The following DNAAF5 variants were observed in gnomAD, a reference collection of about 807,000 sequenced individuals.
DNAAF5 encodes the protein HEAT repeat containing 2.
Under a neutral mutation model 75.8 loss-of-function variants are expected in DNAAF5, and 64 were observed. The ratio of observed to expected loss-of-function variants is 0.84; its 90% CI spans 0.69 to 1.04. The LOEUF (loss-of-function observed/expected upper bound fraction) is 1.04, where lower values mean the gene tolerates loss of function less well. Ranked by LOEUF, DNAAF5 falls within the 50% of genes least tolerant of loss-of-function variation. The pLI, the probability that DNAAF5 is intolerant of heterozygous loss-of-function variation, is 0.00. For missense variants in DNAAF5, 1,269 were observed against 1,178.5 expected (o/e 1.08, Z -1.12); for synonymous variants, 657 against 557.2 (o/e 1.18, Z -2.52).
rs577257544 is a variant in DNAAF5, at chr7:782,195, ACT to A, written c.2431+2053_2431+2054del. 7.0e-5 allele frequency among the ~76,000 whole-genome samples: 10 copies of A among 142,574 alleles called. No homozygotes were observed. In the South Asian group the frequency reaches 1.8e-3, roughly 26 times the overall value. The allele number at this position is 142,574 out of a possible 152,430, so 93.5% of individuals were successfully genotyped here. A position where few individuals can be genotyped will look rare whatever the true frequency, so the allele number is the denominator to read the frequency against. ...CGCCTCCCGACACGCGGCGTCAGAA[ACT>A]CGGATCTTCCTGGCGTGGCCGCCTC... is the stretch of plus-strand genomic sequence containing the variant. On this transcript the variant is annotated intron_variant, in intron 12 of 12. Transcript: ENST00000297440.
chr7:746,892 A>G (rs1782132144), intron 4 of DNAAF5, among the ~76,000 whole-genome samples: 1 of 152,056 alleles, frequency 6.6e-6, no homozygotes, highest in African/African-American at 2.4e-5. Context: ...TGTCACTTGC[A>G]TGAGGTTGTG....
rs1778707182 is a variant in DNAAF5, at chr7:774,933, G to GCA, written c.2083-71_2083-70dup. Reference sequence around the variant, plus strand: ...CCCCTAAGTCCTTCCAGGCAGGAGTGCACGGATGGTGAGCACCCCCACCCC... The same window carrying GCA: ...CCCCTAAGTCCTTCCAGGCAGGAGTGCACACGGATGGTGAGCACCCCCACCCC... On this transcript the variant is annotated intron_variant, in intron 10 of 12. Coordinates refer to ENST00000297440, the MANE Select transcript of DNAAF5 (RefSeq NM_017802.4). The GCA allele has an allele frequency of 6.0e-5, 82 of 1,367,622 alleles. 1 individual carries two copies. The South Asian group carries it at 9.0e-4, about 15-fold the overall frequency. The allele number at this position is 1,367,622 out of a possible 1,614,324, so 84.7% of individuals were successfully genotyped here. A position where few individuals can be genotyped will look rare whatever the true frequency, so the allele number is the denominator to read the frequency against.
intron 4 of DNAAF5, among the ~76,000 whole-genome samples, chr7:741,694 C>T (rs1781917206): frequency 6.6e-6 from 1 of 152,218 alleles, no homozygotes; most frequent in African/African-American, 2.4e-5. Flanking sequence ...CCTCTCCCCT[C>T]CTCTGGCCAG....
At chr7:767,551 G>C (rs1196769394) in intron 8 of DNAAF5, among the ~76,000 whole-genome samples, 1 of 152,222 alleles carries the variant, frequency 6.6e-6, no homozygotes, top group Non-Finnish European at 1.5e-5. Context: ...TATTTCCATA[G>C]AAGAAATGCT....
chr7:745,008 C>T lies in DNAAF5; in HGVS notation c.1024+3543C>T, dbSNP rs533442520. ...CATCAGTGATGGGAGTGGAATCCCA[C>T]GCGTGCTGTGGTGCTCTGTCAGTGC... On this transcript the variant is annotated intron_variant, in intron 4 of 12. Transcript: ENST00000297440. 4.5e-4 allele frequency among the ~76,000 whole-genome samples: 68 copies of T among 152,300 alleles called. No individual in the cohort carries two copies. The South Asian group carries it at 0.012, about 26-fold the overall frequency.
chr7:740,997 G>C (rs1781890784), intron 3 of DNAAF5, 54 bp downstream of exon 3: 1 of 1,591,580 alleles, frequency 6.3e-7, no homozygotes, highest in South Asian at 1.1e-5. Flanking sequence ...ATGTGTAGCA[G>C]TGGTGGTTTC....
intron 7 of DNAAF5, among the ~76,000 whole-genome samples, chr7:763,274 A>G (rs1358781023): frequency 6.6e-6 from 1 of 151,750 alleles, no homozygotes; most frequent in Non-Finnish European, 1.5e-5. Context: ...CCAGATTCAG[A>G]CTCCAGGCTT....
intron 12 of DNAAF5, among the ~76,000 whole-genome samples, chr7:780,913 TG>T (rs1329817598): frequency 7.8e-6 from 1 of 128,912 alleles, no homozygotes; most frequent in East Asian, 2.1e-4. Flanking sequence ...TTAATTTTTG[TG>T]GGTACACATA....
At chr7:774,639 C>G (rs1778697793) in intron 10 of DNAAF5, among the ~76,000 whole-genome samples, 1 of 152,134 alleles carries the variant, frequency 6.6e-6, no homozygotes, top group South Asian at 2.1e-4. Flanking sequence ...CTGGTCGCCG[C>G]CCGGCGGGAA....
chr7:745,795 A>G (rs555305918), intron 4 of DNAAF5, among the ~76,000 whole-genome samples: 1 of 152,364 alleles, frequency 6.6e-6, no homozygotes, highest in South Asian at 2.1e-4. Flanking sequence ...TGGCCCTGCT[A>G]GTAGGTTCCC....
At chr7:757,325 C>T (rs978188037) in intron 6 of DNAAF5, among the ~76,000 whole-genome samples, 4 of 152,230 alleles carry the variant, frequency 2.6e-5, no homozygotes, top group South Asian at 2.1e-4. Flanking sequence ...CCACAGTTCA[C>T]GTGTTTGATG....
At chr7:765,303 G>T (rs1246930729) in intron 8 of DNAAF5, among the ~76,000 whole-genome samples, 8 of 152,110 alleles carry the variant, frequency 5.3e-5, no homozygotes, top group Non-Finnish European at 1.5e-5. Context: ...GAGAACTCCC[G>T]AGGCAGCGAC....
chr7:765,256 C>T (rs776456557), intron 8 of DNAAF5, among the ~76,000 whole-genome samples: 4 of 152,242 alleles, frequency 2.6e-5, no homozygotes, highest in African/African-American at 7.2e-5. Context: ...GTGGTGGGAA[C>T]TGTGACCCCG....
intron 2 of DNAAF5, among the ~76,000 whole-genome samples, chr7:735,685 T>C (rs757679112): frequency 1.3e-5 from 2 of 152,236 alleles, no homozygotes; most frequent in Non-Finnish European, 2.9e-5. Flanking sequence ...GGTCTTCTCT[T>C]TTTCTTAGTC....
intron 2 of DNAAF5, among the ~76,000 whole-genome samples, chr7:735,991 T>A (rs1781730647): frequency 6.6e-6 from 1 of 152,242 alleles, no homozygotes; most frequent in Non-Finnish European, 1.5e-5. Context: ...TTTTTAAAAT[T>A]TCCTTCTTAA....
intron 2 of DNAAF5, among the ~76,000 whole-genome samples, chr7:735,508 C>T (rs145580050): frequency 0.029 from 4,301 of 149,560 alleles, 80 homozygotes; most frequent in Non-Finnish European, 0.044. Flanking sequence ...ATTGTAGTTG[C>T]TGATATTGTT....
intron 12 of DNAAF5, among the ~76,000 whole-genome samples, chr7:781,623 C>T (rs1778945927): frequency 6.6e-6 from 1 of 152,188 alleles, no homozygotes; most frequent in African/African-American, 2.4e-5. Flanking sequence ...ATTTACATTC[C>T]CACCAGCAGC....
chr7:734,199 C>A (rs1322137213), intron 2 of DNAAF5, among the ~76,000 whole-genome samples: 1 of 152,210 alleles, frequency 6.6e-6, no homozygotes, highest in East Asian at 1.9e-4. Context: ...GAAAGGCTTT[C>A]AATTTTTCCC....
At position 763,809 on chromosome 7, in the gene DNAAF5, C is replaced by T; in HGVS notation, c.1618C>T (p.Gln540Ter). The T allele has an allele frequency of 3.1e-6, 5 of 1,613,264 alleles. No individual in the cohort carries two copies. The highest frequency in any genetic ancestry group is 3.4e-6 in the Non-Finnish European group (4 of 1,179,988). The change falls in exon 8 of 13, where the codon CAG (glutamine) becomes TAG (stop). Residue 540 changes from glutamine (Q) to a stop codon, truncating the protein, a stop_gained. Coordinates refer to ENST00000297440, the MANE Select transcript of DNAAF5 (RefSeq NM_017802.4). LOFTEE classifies it high-confidence loss of function. ...AGATGLRDKA[Q>*]ETMDSLAMVE... ...GTCTCTGACTTGTAACCTCCAGGCA[C>T]AGGAGACGATGGACTCACTGGCCAT...
Sources: gnomAD v4.1 joint callset for allele counts (sites outside exome capture counted in the v4.1 genomes callset) on GRCh38, gnomAD v4.1.1 for gene constraint, MANE v1.5 for transcripts, NCBI Gene and HGNC (gene_info 2026-07-23, HGNC 2026-07-21) for gene names.